Variants in RALGPS2 observed in about 807,000 individuals in gnomAD.
The protein encoded by RALGPS2 is ras-specific guanine nucleotide-releasing factor RalGPS2.
RALGPS2 carries 43 observed loss-of-function variants against 86.8 expected under a neutral mutation model. That is an observed-to-expected ratio of 0.50 (90% CI 0.39 to 0.64). The LOEUF (loss-of-function observed/expected upper bound fraction) is 0.64. RALGPS2 is among the 30% of genes least tolerant of loss of function. RALGPS2 has a pLI of 0.00. For synonymous variants in RALGPS2, 243 were observed against 231.3 expected (o/e 1.05, Z -0.46); for missense variants, 536 against 694.6 (o/e 0.77, Z 2.57).
At position 178,741,022 on chromosome 1, in the gene RALGPS2, TATC is replaced by T. The variant is rs1650991471; in HGVS notation, c.-84+15606_-84+15608del. ...CGTATAACAGATGTTCAATAAATAG[TATC>T]ATATATGTAATGATATTTGAGGTAA... On this transcript the variant is annotated intron_variant, in intron 1 of 19. Coordinates refer to ENST00000367635, the MANE Select transcript of RALGPS2 (RefSeq NM_152663.5). 3.3e-5 allele frequency among the ~76,000 whole-genome samples: 5 copies of T among 152,078 alleles called. No individual in the cohort carries two copies. The South Asian group carries it at 8.3e-4, about 25-fold the overall frequency.
intron 18 of RALGPS2, among the ~76,000 whole-genome samples, chr1:178,905,093 T>C (rs998219149): frequency 6.6e-6 from 1 of 152,076 alleles, no homozygotes; most frequent in African/African-American, 2.4e-5. Flanking sequence ...TCCTAAGTGG[T>C]TTTTTGTTTT....
intron 1 of RALGPS2, among the ~76,000 whole-genome samples, chr1:178,735,320 G>A (rs958233344): frequency 7.9e-5 from 12 of 152,168 alleles, no homozygotes; most frequent in Admixed American, 2.0e-4. Flanking sequence ...ACTCATGTAT[G>A]GTGATAGAAG....
At chr1:178,859,252 A>G (rs953670418) in intron 8 of RALGPS2, among the ~76,000 whole-genome samples, 2 of 152,154 alleles carry the variant, frequency 1.3e-5, no homozygotes, top group African/African-American at 2.4e-5. Flanking sequence ...AAATGTTAGT[A>G]TAAGTATTCC....
chr1:178,756,397 C>A (rs947309948), intron 1 of RALGPS2, among the ~76,000 whole-genome samples: 1 of 152,122 alleles, frequency 6.6e-6, no homozygotes, highest in Non-Finnish European at 1.5e-5. Context: ...TATCCCAGCA[C>A]TATTTATTTA....
intron 4 of RALGPS2, among the ~76,000 whole-genome samples, chr1:178,800,460 G>A (rs1654415994): frequency 6.6e-6 from 1 of 151,800 alleles, no homozygotes. Flanking sequence ...ACACCATGAA[G>A]ATGCAAGGAT....
At chr1:178,905,459 C>T (rs1660353557) in intron 18 of RALGPS2, among the ~76,000 whole-genome samples, 1 of 152,050 alleles carries the variant, frequency 6.6e-6, no homozygotes, top group South Asian at 2.1e-4. Flanking sequence ...TCACATTGAC[C>T]TAATGTCTGT....
At chr1:178,865,803 C>A (rs777741584) in intron 8 of RALGPS2, 2 of 1,512,738 alleles carry the variant, frequency 1.3e-6, no homozygotes, top group Non-Finnish European at 1.8e-6. Context: ...AAAATGATGT[C>A]TTTTGAAAAA....
intron 18 of RALGPS2, among the ~76,000 whole-genome samples, chr1:178,904,536 G>A (rs1046610829): frequency 6.6e-6 from 1 of 152,104 alleles, no homozygotes; most frequent in African/African-American, 2.4e-5. Context: ...TATAAGGTGA[G>A]AGATGAGGAT....
intron 1 of RALGPS2, among the ~76,000 whole-genome samples, chr1:178,773,264 G>A (rs532121557): frequency 6.6e-6 from 1 of 152,240 alleles, no homozygotes; most frequent in Non-Finnish European, 1.5e-5. Context: ...AGGATTGCTT[G>A]ACCCCAGGAA....
chr1:178,838,535 A>C (rs1656404313), intron 8 of RALGPS2, among the ~76,000 whole-genome samples: 1 of 152,204 alleles, frequency 6.6e-6, no homozygotes, highest in Admixed American at 6.5e-5. Context: ...ACCATCATCA[A>C]AGACCAAAGG....
Position 178,919,870 on chromosome 1 carries a change from C to T in RALGPS2, c.*3511C>T, listed in dbSNP as rs538017596. Reference sequence around the variant, plus strand: ...TAACAGAAGATAATCTTTAATAAAGCAAATCCTCTGCTTCAAAGGTTTTTG... The same window carrying T: ...TAACAGAAGATAATCTTTAATAAAGTAAATCCTCTGCTTCAAAGGTTTTTG... On this transcript the variant is annotated 3_prime_UTR_variant, in exon 20 of 20. Coordinates refer to ENST00000367635, the MANE Select transcript of RALGPS2 (RefSeq NM_152663.5). 8 of 152,036 alleles carry T rather than the reference C, an allele frequency of 5.3e-5. No individual in the cohort carries two copies. The highest frequency in any genetic ancestry group is 1.7e-4 in the African/African-American group (7 of 41,544). The allele number at this position is 152,036 out of a possible 1,614,324, so 9.4% of individuals were successfully genotyped here.
At chr1:178,828,191 A>C (rs189436385) in intron 7 of RALGPS2, among the ~76,000 whole-genome samples, 221 of 152,346 alleles carry the variant, frequency 1.5e-3, no homozygotes, top group Middle Eastern at 0.01. Context: ...ATTTGCAAAT[A>C]ATACATCTGA....
At chr1:178,732,081 G>A (rs1483453783) in intron 1 of RALGPS2, among the ~76,000 whole-genome samples, 1 of 151,866 alleles carries the variant, frequency 6.6e-6, no homozygotes, top group Non-Finnish European at 1.5e-5. Flanking sequence ...TCTCATGAGT[G>A]TTTCAATTTA....
rs150682026 is a variant in RALGPS2, at chr1:178,816,315, G to A, written c.387+4911G>A. Reference sequence around the variant, plus strand: ...TAGTATCTTACTGTGGTTTTAATTTGTATTTTTCTGATGATAGTGATGGTT... The same window carrying A: ...TAGTATCTTACTGTGGTTTTAATTTATATTTTTCTGATGATAGTGATGGTT... On this transcript the variant is annotated intron_variant, in intron 6 of 19. Transcript: ENST00000367635. 4.9e-4 allele frequency among the ~76,000 whole-genome samples: 74 copies of A among 151,490 alleles called. 1 individual carries two copies. Among genetic ancestry groups the A allele is most frequent in the Non-Finnish European group, 6.9e-4 (47 of 67,858 alleles).
rs1660920938 is a variant in RALGPS2, at chr1:178,919,660, G to GA, written c.*3305dup. 6.6e-6 allele frequency: 1 copy of GA among 151,886 alleles called. No individual in the cohort carries two copies. The highest frequency in any genetic ancestry group is 2.4e-5 in the African/African-American group (1 of 41,394). The allele number at this position is 151,886 out of a possible 1,614,324, so 9.4% of individuals were successfully genotyped here. A position where few individuals can be genotyped will look rare whatever the true frequency, so the allele number is the denominator to read the frequency against. On this transcript the variant is annotated 3_prime_UTR_variant, in exon 20 of 20. Transcript: ENST00000367635. ...TCGTAAACTGTATACCTTTACTACT[G>GA]AAAACAAAACTATAGGGCATCATAC...
chr1:178,863,645 G>A (rs2102331206), intron 8 of RALGPS2, among the ~76,000 whole-genome samples: 1 of 152,292 alleles, frequency 6.6e-6, no homozygotes, highest in African/African-American at 2.4e-5. Flanking sequence ...GGTTAAATCA[G>A]GAGGGAGAGC....
Position 178,784,535 on chromosome 1 carries a change from C to G in RALGPS2, c.162+13C>G. On this transcript the variant is annotated intron_variant, in intron 3 of 19. Transcript: ENST00000367635. ...AGAAGAATATGCGGTAAGCCTCCTA[C>G]CTCTGTCTTCTCCGGTTTTGCACAT... 2 of 1,544,334 alleles carry G rather than the reference C, an allele frequency of 1.3e-6. No homozygotes were observed. Among genetic ancestry groups the G allele is most frequent in the Admixed American group, 1.7e-5 (1 of 57,688 alleles).
chr1:178,769,169 C>G (rs983364426), intron 1 of RALGPS2, among the ~76,000 whole-genome samples: 1 of 152,128 alleles, frequency 6.6e-6, no homozygotes, highest in African/African-American at 2.4e-5. Flanking sequence ...CAGAGAGGCC[C>G]TGCTGCACCA....
intron 4 of RALGPS2, among the ~76,000 whole-genome samples, chr1:178,786,856 A>ATG (rs1653675093): frequency 6.6e-6 from 1 of 151,970 alleles, no homozygotes; most frequent in Non-Finnish European, 1.5e-5. Flanking sequence ...GTCCTACATG[A>ATG]TGTAGGTAGT....
Sources: allele counts gnomAD v4.1 joint callset (sites outside exome capture counted in the v4.1 genomes callset), GRCh38; gene constraint gnomAD v4.1.1; transcripts MANE v1.5; gene names NCBI Gene and HGNC (gene_info 2026-07-23, HGNC 2026-07-21).